LARP7: variants seen among roughly 807,000 people sequenced by gnomAD.
The protein encoded by LARP7 is La ribonucleoprotein 7, transcriptional regulator.
LARP7 carries 52 observed loss-of-function variants against 69.3 expected under a neutral mutation model. The observed-to-expected ratio is 0.75, with a 90% confidence interval of 0.60 to 0.95. The LOEUF (loss-of-function observed/expected upper bound fraction) is 0.95, where lower values mean the gene tolerates loss of function less well. Ranked by LOEUF, LARP7 falls within the 40% of genes least tolerant of loss-of-function variation. The pLI is 0.00. For missense variants in LARP7, 733 were observed against 673.0 expected (o/e 1.09, Z -0.99); for synonymous variants, 254 against 215.9 (o/e 1.18, Z -1.55).
At chr4:112,638,252 C>T (rs1204530181) in intron 1 of LARP7, among the ~76,000 whole-genome samples, 3 of 152,186 alleles carry the variant, frequency 2.0e-5, no homozygotes, top group Non-Finnish European at 4.4e-5. Flanking sequence ...GCCGGGATCG[C>T]GCCACTGCAC....
chr4:112,648,705 G>T (rs1578615708), intron 8 of LARP7: 6 of 343,590 alleles, frequency 1.7e-5, no homozygotes, highest in South Asian at 7.0e-5. Flanking sequence ...AGGGTAAAAG[G>T]CAGGGACTTC....
rs918874775 is a variant in LARP7 at position 112,649,956 on chromosome 4, A to G, written c.1294+270A>G. 1.3e-5 allele frequency: 3 copies of G among 225,834 alleles called. No individual in the cohort carries two copies. The East Asian group carries it at 3.1e-4, about 24-fold the overall frequency. 14.0% of individuals were successfully genotyped at this position (225,834 alleles called of 1,614,324 possible). On this transcript the variant is annotated intron_variant, in intron 9 of 12. Transcript: ENST00000344442. ...ACATGAGTGCAGAGTTTGCAGACTG[A>G]GCAAGTTTGTAGGAATGAAGATTGT...
chr4:112,646,202 C>G, intron 2 of LARP7, 149 bp from the exon 3 acceptor site: 1 of 444,960 alleles, frequency 2.2e-6, no homozygotes, highest in East Asian at 4.2e-5. Context: ...TGGTCTTGAA[C>G]TCCCCCATCC....
At chr4:112,648,170 A>G in intron 8 of LARP7, 1 of 525,714 alleles carries the variant, frequency 1.9e-6, no homozygotes, top group Middle Eastern at 3.2e-4. Context: ...TAAAAATGTA[A>G]AAGGAAGACT....
chr4:112,644,945 C>CAT, intron 2 of LARP7, 74 bp downstream of exon 2: 2 of 165,088 alleles, frequency 1.2e-5, no homozygotes, highest in East Asian at 1.8e-4. Context: ...ATAATATATT[C>CAT]TTTTTTTTTT....
At chr4:112,650,619 C>A in intron 10 of LARP7, 37 bp downstream of exon 10, 1 of 1,573,522 alleles carries the variant, frequency 6.4e-7, no homozygotes, top group South Asian at 1.2e-5. Context: ...TTGTTCCTTT[C>A]TTCTCTTATT....
intron 12 of LARP7, among the ~76,000 whole-genome samples, chr4:112,655,003 CA>C (rs916695747): frequency 1.3e-3 from 152 of 117,304 alleles, no homozygotes; most frequent in Middle Eastern, 4.3e-3. Context: ...CATATTTATA[CA>C]AAAAAAAAAA....
chr4:112,647,981 A>G (rs769536153), intron 8 of LARP7, 147 bp downstream of exon 8: 1 of 728,588 alleles, frequency 1.4e-6, no homozygotes, highest in Non-Finnish European at 2.6e-6. Flanking sequence ...GCGTTAACGC[A>G]ATTGCTGATT....
At chr4:112,654,424 A>G (rs924095224) in intron 12 of LARP7, 14 of 290,684 alleles carry the variant, frequency 4.8e-5, no homozygotes, top group African/African-American at 3.0e-4. Context: ...AACAGTCTTG[A>G]TATCTGGCTG....
Position 112,653,174 on chromosome 4 carries a change from C to T in LARP7, c.1514C>T (p.Ala505Val), listed in dbSNP as rs2048820335. Residue 505 changes from alanine to valine, a missense_variant, in exon 11 of 13, where the codon GCA becomes GTA. Physicochemically the swap from Ala to Val is moderately conservative, Grantham distance 64. Coordinates refer to ENST00000344442, the MANE Select transcript of LARP7 (RefSeq NM_016648.4). Reference protein sequence around the residue: ...ARFKTPEDAQAVINAYTEINK... With the variant: ...ARFKTPEDAQVVINAYTEINK... Reference sequence around the variant, plus strand: ...TTTAAAACTCCTGAGGATGCTCAAGCAGTAATAAATGCCTATACAGAAATT... The same window carrying T: ...TTTAAAACTCCTGAGGATGCTCAAGTAGTAATAAATGCCTATACAGAAATT... 6.2e-7 allele frequency: 1 copy of T among 1,609,040 alleles called. No individual in the cohort carries two copies. Among genetic ancestry groups the T allele is most frequent in the Admixed American group, 1.7e-5 (1 of 59,356 alleles).
intron 1 of LARP7, among the ~76,000 whole-genome samples, chr4:112,639,582 T>C (rs2047877883): frequency 1.3e-5 from 2 of 152,090 alleles, no homozygotes; most frequent in Non-Finnish European, 2.9e-5. Context: ...CATATTATGT[T>C]ACGGGAAGGT....
At position 112,653,155 on chromosome 4, in the gene LARP7, A is replaced by T. The variant is rs1560950271; in HGVS notation, c.1495A>T (p.Thr499Ser). ...TACAGAATGCCATGCTAGATTTAAA[A>T]CTCCTGAGGATGCTCAAGCAGTAAT... ...GDTECHARFK[T>S]PEDAQAVINA... Residue 499 changes from threonine (T) to serine (S), a missense_variant, in exon 11 of 13, where the codon ACT (threonine) becomes TCT (serine). Transcript: ENST00000344442. The T allele has an allele frequency of 1.2e-6, 2 of 1,610,398 alleles. No homozygotes were observed. The highest frequency in any genetic ancestry group is 1.7e-6 in the Non-Finnish European group (2 of 1,178,266).
At chr4:112,641,445 T>C (rs2047960526) in intron 1 of LARP7, among the ~76,000 whole-genome samples, 1 of 151,936 alleles carries the variant, frequency 6.6e-6, no homozygotes, top group Admixed American at 6.5e-5. Flanking sequence ...TGGCATGATC[T>C]GATTTACATA....
chr4:112,643,852 A>G (rs1273667116), intron 1 of LARP7, among the ~76,000 whole-genome samples: 2 of 151,962 alleles, frequency 1.3e-5, no homozygotes, highest in African/African-American at 4.8e-5. Context: ...ACTGCCTCAA[A>G]GAAAAGAGAA....
chr4:112,654,951 A>T (rs2048896115), intron 12 of LARP7, among the ~76,000 whole-genome samples: 1 of 152,086 alleles, frequency 6.6e-6, no homozygotes, highest in Non-Finnish European at 1.5e-5. Context: ...TGAGCAAGTT[A>T]AAAGTCCTAT....
At chr4:112,648,743 C>CCTG in intron 8 of LARP7, 1 of 285,974 alleles carries the variant, frequency 3.5e-6, no homozygotes, top group South Asian at 3.3e-5. Flanking sequence ...CTATTCTTAA[C>CCTG]TCTTGAATTC....
chr4:112,648,987 G>T (rs369066095), intron 8 of LARP7, among the ~76,000 whole-genome samples: 8 of 151,566 alleles, frequency 5.3e-5, no homozygotes, highest in African/African-American at 1.9e-4. Flanking sequence ...CATAGATTAG[G>T]GTAACAATGA....
chr4:112,637,351 C>G (rs187473450), intron 1 of LARP7, 112 bp downstream of exon 1: 1 of 152,470 alleles, frequency 6.6e-6, no homozygotes, highest in Non-Finnish European at 1.5e-5. Context: ...ACCCCGCCCC[C>G]CCGTCCTGCA....
rs182841518 is a variant in LARP7 at position 112,639,519 on chromosome 4, C to G, written c.-3+2280C>G. The stretch of plus-strand genomic sequence containing the variant: ...TGCTGGGATTACAAGCGTGAGCCAC[C>G]GCGCCTGGCCAAGTGTTACTTTTTT... On this transcript the variant is annotated intron_variant, in intron 1 of 12. Transcript: ENST00000344442. 1.3e-3 allele frequency among the ~76,000 whole-genome samples: 200 copies of G among 151,692 alleles called. 1 individual carries two copies. Among genetic ancestry groups the G allele is most frequent in the Admixed American group, 3.5e-3 (53 of 15,254 alleles).
Sources: gnomAD v4.1 joint callset for allele counts (sites outside exome capture counted in the v4.1 genomes callset) on GRCh38, gnomAD v4.1.1 for gene constraint, MANE v1.5 for transcripts, NCBI Gene and HGNC (gene_info 2026-07-23, HGNC 2026-07-21) for gene names.